Variants in PCDHGA3 observed in about 807,000 individuals in gnomAD.
PCDHGA3 encodes protocadherin gamma-A3.
PCDHGA3 carries 40 observed loss-of-function variants against 58.5 expected under a neutral mutation model. That is an observed-to-expected ratio of 0.68 (90% CI 0.53 to 0.89). The LOEUF is 0.89. Among genes scored for constraint, PCDHGA3 ranks in the 40% least tolerant of loss-of-function variants. The probability of loss-of-function intolerance (pLI) is 0.00; values close to 1 mark genes in which losing one functional copy is unlikely to be tolerated. For synonymous variants in PCDHGA3, 530 were observed against 525.7 expected (o/e 1.01, Z -0.11); for missense variants, 1,223 against 1,195.9 (o/e 1.02, Z -0.33).
intron 2 of PCDHGA3, among the ~76,000 whole-genome samples, chr5:141,501,236 G>T (rs571684337): frequency 5.5e-4 from 83 of 150,782 alleles, no homozygotes; most frequent in African/African-American, 2.0e-3. Context: ...TCAGTTTTTT[G>T]AGCATGATGT....
intron 1 of PCDHGA3, chr5:141,424,504 GT>G (rs892941709): frequency 6.6e-6 from 1 of 152,016 alleles, no homozygotes; most frequent in Non-Finnish European, 1.5e-5. Context: ...TGTATGGAAG[GT>G]TTTTTAATGT....
chr5:141,365,821 G>A (rs756787528), intron 1 of PCDHGA3: 1 of 1,613,908 alleles, frequency 6.2e-7, no homozygotes, highest in Non-Finnish European at 8.5e-7. Context: ...ACACATTTCA[G>A]GGGGCGCCCT....
intron 1 of PCDHGA3, chr5:141,352,607 A>G: frequency 6.2e-7 from 1 of 1,613,478 alleles, no homozygotes; most frequent in Non-Finnish European, 8.5e-7. Flanking sequence ...TGATCCTTCT[A>G]TGGTTGTATG....
At chr5:141,374,204 A>G in intron 1 of PCDHGA3, 1 of 1,613,902 alleles carries the variant, frequency 6.2e-7, no homozygotes. Flanking sequence ...GGAGCTGGAG[A>G]AAGGCTCCTT....
intron 1 of PCDHGA3, chr5:141,428,113 T>A: frequency 6.2e-7 from 1 of 1,607,492 alleles, no homozygotes; most frequent in Non-Finnish European, 8.5e-7. Flanking sequence ...CTGCAGGCCA[T>A]CGAGCCCGGG....
In PCDHGA3 at chr5:141,379,873, T is replaced by C. The variant is rs533347585; in HGVS notation, c.2424+33416T>C. ...AAATTATTGTCTTATTCTTATTTTA[T>C]GGTCTGTGAAAGCCTCTTTTTTTTT... On this transcript the variant is annotated intron_variant, in intron 1 of 3. Transcript: ENST00000253812. Among the ~76,000 whole-genome samples, 18 of 148,596 alleles carry C rather than the reference T, an allele frequency of 1.2e-4. No individual in the cohort carries two copies. The South Asian group carries it at 2.8e-3, about 23-fold the overall frequency.
intron 1 of PCDHGA3, chr5:141,389,148 G>A (rs749167212): frequency 6.2e-7 from 1 of 1,613,996 alleles, no homozygotes. Context: ...AACCGTTACG[G>A]CAACAGATCG....
chr5:141,471,204 C>T (rs1349368582), intron 1 of PCDHGA3: 2 of 151,866 alleles, frequency 1.3e-5, no homozygotes, highest in African/African-American at 4.8e-5. Flanking sequence ...CACCCACCCC[C>T]ATGCCTGGCA....
chr5:141,370,920 C>G, intron 1 of PCDHGA3: 4 of 1,613,994 alleles, frequency 2.5e-6, no homozygotes, highest in South Asian at 1.1e-5. Context: ...CAGCCCTGAT[C>G]CGCACTTCTC....
rs1446853595 is a variant in PCDHGA3, at chr5:141,491,363, C to T, written c.2425-3444C>T. ...ACCGTCAGTCTCTTATCCCTAGTCA[C>T]CTTCACCTTTCTGTCAGCGAAGTGC... On this transcript the variant is annotated intron_variant, in intron 1 of 3. Coordinates refer to ENST00000253812, the MANE Select transcript of PCDHGA3 (RefSeq NM_018916.4). This position sits in a 1 kb window ranked among gnomAD's most constrained non-coding sequence, Gnocchi z 6.9. The T allele has an allele frequency of 6.2e-7, 1 of 1,614,182 alleles. No individual in the cohort carries two copies. Among genetic ancestry groups the T allele is most frequent in the South Asian group, 1.1e-5 (1 of 91,082 alleles).
chr5:141,477,262 C>A lies in PCDHGA3; in HGVS notation c.2425-17545C>A, dbSNP rs60063068. 1.2e-5 allele frequency: 19 copies of A among 1,614,020 alleles called. No homozygotes were observed. The East Asian group carries it at 4.2e-4, about 36-fold the overall frequency. On this transcript the variant is annotated intron_variant, in intron 1 of 3. Transcript: ENST00000253812. This position sits in a 1 kb window ranked among gnomAD's most constrained non-coding sequence, Gnocchi z 4.9. ...TCAGTGTGACTGACCTGGATGCTGG[C>A]GAGAACGGGCTGGTGACCTGCGAAG...
intron 1 of PCDHGA3, chr5:141,421,895 GA>G: frequency 6.2e-7 from 1 of 1,613,730 alleles, no homozygotes; most frequent in African/African-American, 1.3e-5. Flanking sequence ...GATCCCATCC[GA>G]AAGGGCGCAG....
intron 1 of PCDHGA3, among the ~76,000 whole-genome samples, chr5:141,425,406 T>C (rs915792432): frequency 3.9e-5 from 6 of 152,222 alleles, no homozygotes; most frequent in Non-Finnish European, 7.3e-5. Flanking sequence ...TCTGTTAAGG[T>C]ATAACATATA....
chr5:141,405,327 G>A, intron 1 of PCDHGA3: 1 of 1,614,166 alleles, frequency 6.2e-7, no homozygotes. Flanking sequence ...GAGCCTTTGT[G>A]CGTCTCTGTT....
chr5:141,433,176 T>A, intron 1 of PCDHGA3: 1 of 1,610,288 alleles, frequency 6.2e-7, no homozygotes, highest in Non-Finnish European at 8.5e-7. Flanking sequence ...AGTCATGGGT[T>A]AATTGAGGTG....
intron 1 of PCDHGA3, chr5:141,440,744 A>C (rs2098197850): frequency 6.6e-6 from 1 of 152,194 alleles, no homozygotes; most frequent in Non-Finnish European, 1.5e-5. Context: ...CTGCTTGACT[A>C]GGAAAAGCAG....
chr5:141,443,820 T>C (rs1329478151), intron 1 of PCDHGA3, among the ~76,000 whole-genome samples: 1 of 151,986 alleles, frequency 6.6e-6, no homozygotes. Flanking sequence ...TTGGAAAACA[T>C]AATTAGGTAA....
At chr5:141,400,079 C>A in intron 1 of PCDHGA3, 1 of 1,614,042 alleles carries the variant, frequency 6.2e-7, no homozygotes, top group East Asian at 2.2e-5. Flanking sequence ...CCGCCACTCT[C>A]CGCCACCGCC....
intron 1 of PCDHGA3, chr5:141,414,397 T>C: frequency 6.2e-7 from 1 of 1,613,920 alleles, no homozygotes; most frequent in Middle Eastern, 1.6e-4. Context: ...TTATTACAGA[T>C]TGGTGATACA....
Sources: allele counts gnomAD v4.1 joint callset (sites outside exome capture counted in the v4.1 genomes callset), GRCh38; gene constraint gnomAD v4.1.1; non-coding constraint Gnocchi (gnomAD v3.1); transcripts MANE v1.5; gene names NCBI Gene and HGNC (gene_info 2026-07-23, HGNC 2026-07-21).